Variants in LINGO2 observed in about 807,000 individuals in gnomAD.
The protein encoded by LINGO2 is leucine rich repeat and Ig domain containing 2.
LINGO2 carries 14 observed loss-of-function variants against 30.6 expected under a neutral mutation model. The observed-to-expected ratio is 0.46, with a 90% CI of 0.30 to 0.72. The LOEUF is 0.72. Ranked by LOEUF, LINGO2 falls within the 30% of genes least tolerant of loss-of-function variation. LINGO2 has a pLI of 0.07. For synonymous variants in LINGO2, 317 were observed against 288.5 expected (o/e 1.10, Z -1.00); for missense variants, 729 against 751.7 (o/e 0.97, Z 0.35).
chr9:28,509,728 C>T (rs915782527), intron 1 of LINGO2, among the ~76,000 whole-genome samples: 15 of 152,118 alleles, frequency 9.9e-5, no homozygotes, highest in African/African-American at 3.4e-4. Context: ...AGAAGCCTCA[C>T]CAGGAAGCAA....
intron 4 of LINGO2, among the ~76,000 whole-genome samples, chr9:28,244,294 T>G (rs1821917407): frequency 6.6e-6 from 1 of 152,070 alleles, no homozygotes; most frequent in African/African-American, 2.4e-5. Context: ...AAACAGACAA[T>G]GTACCAGAAT....
intron 5 of LINGO2, among the ~76,000 whole-genome samples, chr9:28,004,283 T>C (rs750376507): frequency 1.0e-3 from 157 of 152,204 alleles, no homozygotes; most frequent in Non-Finnish European, 1.5e-3. Context: ...AGATAAATTA[T>C]ATTATTTAAA....
intron 4 of LINGO2, among the ~76,000 whole-genome samples, chr9:28,171,368 G>A (rs79613918): frequency 5.6e-4 from 86 of 152,214 alleles, no homozygotes; most frequent in African/African-American, 2.0e-3. Flanking sequence ...CCTTGTCCTG[G>A]CAACCAGAAC....
chr9:28,049,576 T>C (rs1824576498), intron 4 of LINGO2, among the ~76,000 whole-genome samples: 1 of 150,668 alleles, frequency 6.6e-6, no homozygotes. Flanking sequence ...GGTTCATGTT[T>C]AAGTCTAGAT....
the LINGO2 span, among the ~76,000 whole-genome samples, chr9:29,093,066 G>T: frequency 6.4e-5 from 8 of 125,700 alleles, 2 homozygotes; most frequent in South Asian, 1.2e-3. Flanking sequence ...TGGAGAGAGA[G>T]AGAGACAGAG....
the LINGO2 span, among the ~76,000 whole-genome samples, chr9:28,781,707 T>A: frequency 6.6e-6 from 1 of 151,880 alleles, no homozygotes; most frequent in Non-Finnish European, 1.5e-5. Flanking sequence ...AAGTAAGAGA[T>A]CTGCAAACAA....
intron 2 of LINGO2, among the ~76,000 whole-genome samples, chr9:28,461,731 A>C (rs2135123498): frequency 6.6e-6 from 1 of 152,250 alleles, no homozygotes; most frequent in African/African-American, 2.4e-5. Flanking sequence ...AGAGTCTAAT[A>C]TGGACAAAAG....
chr9:28,624,715 C>T (rs76204789), intron 1 of LINGO2, among the ~76,000 whole-genome samples: 4,156 of 151,202 alleles, frequency 0.027, 126 homozygotes, highest in African/African-American at 0.069. Flanking sequence ...ATTCTCTCCA[C>T]CTCTACTTTT....
the LINGO2 span, among the ~76,000 whole-genome samples, chr9:28,883,638 A>ATATATATATATATATG: frequency 9.3e-6 from 1 of 107,222 alleles, no homozygotes; most frequent in Non-Finnish European, 2.0e-5. Flanking sequence ...GTATATATAT[A>ATATATATATATATATG]TATATATATA....
chr9:28,632,356 G>C (rs1033076812), intron 1 of LINGO2, among the ~76,000 whole-genome samples: 2 of 151,910 alleles, frequency 1.3e-5, no homozygotes, highest in Non-Finnish European at 2.9e-5. Flanking sequence ...CTATTGGCTT[G>C]TAGGGAGAAG....
chr9:28,189,625 AAGGGAGGGAGGAAGGAAGGGAGGG>A (rs1564029336), intron 4 of LINGO2, among the ~76,000 whole-genome samples: 488 of 8,416 alleles, frequency 0.058, 36 homozygotes, highest in Non-Finnish European at 0.065. Flanking sequence ...GGGAGGGAGG[AAGGGAGGGAGGAAGGAAGGGAGGG>A]AGGAAGGAAG....
chr9:28,600,684 T>A (rs1825423618), intron 1 of LINGO2, among the ~76,000 whole-genome samples: 1 of 152,132 alleles, frequency 6.6e-6, no homozygotes, highest in South Asian at 2.1e-4. Context: ...TGGAGTTGTT[T>A]TCAAACGAAG....
intron 2 of LINGO2, among the ~76,000 whole-genome samples, chr9:28,458,740 C>T (rs1160670707): frequency 6.6e-6 from 1 of 152,064 alleles, no homozygotes; most frequent in Non-Finnish European, 1.5e-5. Context: ...CTCATTCTCC[C>T]ATATCCTACT....
At chr9:29,002,159 A>G in the LINGO2 span, among the ~76,000 whole-genome samples, 1 of 152,070 alleles carries the variant, frequency 6.6e-6, no homozygotes, top group African/African-American at 2.4e-5. Flanking sequence ...TCTGTCTCAA[A>G]GATGGGTATA....
chr9:28,736,895 T>C, the LINGO2 span, among the ~76,000 whole-genome samples: 3 of 152,184 alleles, frequency 2.0e-5, no homozygotes, highest in African/African-American at 4.8e-5. Flanking sequence ...ATAGCAGGCA[T>C]TCTGTGCTTA....
intron 4 of LINGO2, chr9:28,012,427 A>AC (rs1822603785): frequency 6.6e-6 from 1 of 151,938 alleles, no homozygotes; most frequent in African/African-American, 2.4e-5. Flanking sequence ...AAAAAAAAAA[A>AC]AGTTAATCAA....
chr9:28,459,360 T>C (rs2135112781), intron 2 of LINGO2, among the ~76,000 whole-genome samples: 1 of 152,170 alleles, frequency 6.6e-6, no homozygotes, highest in South Asian at 2.1e-4. Context: ...ATTTTAAAGT[T>C]AAGGATTCTG....
chr9:28,856,697 T>A, the LINGO2 span, among the ~76,000 whole-genome samples: 1 of 151,948 alleles, frequency 6.6e-6, no homozygotes, highest in African/African-American at 2.4e-5. Flanking sequence ...ACATAAAAGA[T>A]TTTGGTCATT....
intron 1 of LINGO2, among the ~76,000 whole-genome samples, chr9:28,550,429 T>C (rs1471316170): frequency 6.6e-6 from 1 of 151,888 alleles, no homozygotes; most frequent in Non-Finnish European, 1.5e-5. Flanking sequence ...TCAATGACTG[T>C]ATTTTTATTT....
Sources: gnomAD v4.1 joint callset for allele counts (sites outside exome capture counted in the v4.1 genomes callset) on GRCh38, gnomAD v4.1.1 for gene constraint, MANE v1.5 for transcripts, NCBI Gene and HGNC (gene_info 2026-07-23, HGNC 2026-07-21) for gene names.